ADAM18: variants seen among roughly 807,000 people sequenced by gnomAD.
ADAM18 encodes the protein disintegrin and metalloproteinase domain-containing protein 18.
Under a neutral mutation model 94.4 loss-of-function variants are expected in ADAM18, and 117 were observed. The ratio of observed to expected loss-of-function variants is 1.24; its 90% CI spans 1.07 to 1.45. The LOEUF (loss-of-function observed/expected upper bound fraction) is 1.45. Among genes scored for constraint, ADAM18 ranks in the 40% most tolerant of loss-of-function variants. The probability of loss-of-function intolerance (pLI) is 0.00; values close to 1 mark genes in which losing one functional copy is unlikely to be tolerated. For missense variants in ADAM18, 936 were observed against 880.0 expected (o/e 1.06, Z -0.81); for synonymous variants, 327 against 291.6 (o/e 1.12, Z -1.24).
intron 18 of ADAM18, 54 bp downstream of exon 18, chr8:39,706,958 T>A: frequency 9.7e-7 from 1 of 1,030,362 alleles, no homozygotes; most frequent in Non-Finnish European, 1.5e-6. Context: ...TATATAAAGT[T>A]AATTAAACAA....
At chr8:39,689,947 T>C (rs1420284012) in intron 16 of ADAM18, among the ~76,000 whole-genome samples, 2 of 152,192 alleles carry the variant, frequency 1.3e-5, no homozygotes, top group Non-Finnish European at 2.9e-5. Flanking sequence ...GTATTCTGTG[T>C]GTGTGTGCGG....
intron 19 of ADAM18, among the ~76,000 whole-genome samples, chr8:39,728,138 G>T (rs1822972824): frequency 6.6e-6 from 1 of 152,032 alleles, no homozygotes; most frequent in African/African-American, 2.4e-5. Flanking sequence ...ACTATTACCA[G>T]GACAGCACCA....
In ADAM18 at chr8:39,721,255, A is replaced by G. The variant is rs960217132; in HGVS notation, c.2018-2493A>G. The stretch of plus-strand genomic sequence containing the variant: ...AAAAAATCTATGTATTTCAACATAT[A>G]CAAGAATTAACTCAAGACAGGTTAA... On this transcript the variant is annotated intron_variant, in intron 18 of 19. Coordinates refer to ENST00000265707, the MANE Select transcript of ADAM18 (RefSeq NM_014237.3). Among the ~76,000 whole-genome samples the G allele has an allele frequency of 4.0e-5, 6 of 151,544 alleles. No individual in the cohort carries two copies. The South Asian group carries it at 6.2e-4, about 16-fold the overall frequency.
intron 19 of ADAM18, among the ~76,000 whole-genome samples, chr8:39,728,905 G>T (rs2129582069): frequency 6.6e-6 from 1 of 152,206 alleles, no homozygotes; most frequent in Non-Finnish European, 1.5e-5. Context: ...TTGAAATTAG[G>T]TAATTCTATT....
chr8:39,653,797 T>C (rs937376222), intron 12 of ADAM18, among the ~76,000 whole-genome samples: 3 of 152,248 alleles, frequency 2.0e-5, no homozygotes, highest in Non-Finnish European at 4.4e-5. Context: ...CAAATCAGGG[T>C]ACCTGGGGTA....
At chr8:39,607,322 A>C (rs1819116142) in intron 3 of ADAM18, among the ~76,000 whole-genome samples, 1 of 152,282 alleles carries the variant, frequency 6.6e-6, no homozygotes, top group East Asian at 1.9e-4. Flanking sequence ...GTATTTTCTC[A>C]ACATTTTATA....
intron 16 of ADAM18, among the ~76,000 whole-genome samples, chr8:39,692,239 T>G (rs1821801761): frequency 6.6e-6 from 1 of 151,802 alleles, no homozygotes; most frequent in Admixed American, 6.6e-5. Context: ...AGACAAGTCA[T>G]TAACATCTAA....
intron 14 of ADAM18, among the ~76,000 whole-genome samples, chr8:39,675,545 A>C (rs1221548955): frequency 1.3e-5 from 2 of 152,292 alleles, no homozygotes; most frequent in Admixed American, 6.5e-5. Flanking sequence ...CAAGGTTTTT[A>C]GCTTCCTTGT....
In ADAM18 at chr8:39,729,942, A is replaced by ACCG. The variant is rs753176512; in HGVS notation, c.*2_*3insCCG. ...GAAAGCGATGACGTGGGACATTAATATTGCACAGAACTTCCATAGCAAATA... is the reference window on the plus strand; with the variant it reads ...GAAAGCGATGACGTGGGACATTAATACCGTTGCACAGAACTTCCATAGCAAATA... On this transcript the variant is annotated 3_prime_UTR_variant, in exon 20 of 20. Transcript: ENST00000265707. The ACCG allele has an allele frequency of 3.7e-6, 6 of 1,612,412 alleles. No individual in the cohort carries two copies. Among genetic ancestry groups the ACCG allele is most frequent in the Non-Finnish European group, 4.2e-6 (5 of 1,178,424 alleles).
At chr8:39,701,117 C>CAAAAAAAAAAAAAAAA (rs71237188) in intron 17 of ADAM18, among the ~76,000 whole-genome samples, 17 of 34,562 alleles carry the variant, frequency 4.9e-4, no homozygotes, top group Admixed American at 5.8e-4. Context: ...GACTCTGTCT[C>CAAAAAAAAAAAAAAAA]AAAAAAAAAA....
intron 6 of ADAM18, among the ~76,000 whole-genome samples, chr8:39,627,589 G>C (rs1016263426): frequency 3.3e-5 from 5 of 151,958 alleles, no homozygotes; most frequent in African/African-American, 1.2e-4. Flanking sequence ...CCTTTGCCTT[G>C]AATCTATAAG....
At chr8:39,598,460 C>T (rs915652172) in intron 2 of ADAM18, among the ~76,000 whole-genome samples, 2 of 151,784 alleles carry the variant, frequency 1.3e-5, no homozygotes, top group Non-Finnish European at 2.9e-5. Flanking sequence ...TTATCGCCAT[C>T]GTTATTATTA....
chr8:39,718,372 C>T (rs1822639549), intron 18 of ADAM18, among the ~76,000 whole-genome samples: 1 of 151,558 alleles, frequency 6.6e-6, no homozygotes, highest in Non-Finnish European at 1.5e-5. Flanking sequence ...TGAAGGACTA[C>T]TCAGCCTTTA....
At chr8:39,685,859 C>T (rs1252050073) in intron 16 of ADAM18, among the ~76,000 whole-genome samples, 3 of 152,176 alleles carry the variant, frequency 2.0e-5, no homozygotes, top group South Asian at 2.1e-4. Context: ...ATCCCACCTT[C>T]CACAAAACAC....
intron 9 of ADAM18, among the ~76,000 whole-genome samples, chr8:39,638,019 T>C (rs1216914727): frequency 6.6e-6 from 1 of 151,980 alleles, no homozygotes; most frequent in Non-Finnish European, 1.5e-5. Context: ...GACTATTCAG[T>C]TAAAATTATT....
intron 17 of ADAM18, among the ~76,000 whole-genome samples, chr8:39,703,878 G>T (rs1822155557): frequency 6.6e-6 from 1 of 152,010 alleles, no homozygotes; most frequent in African/African-American, 2.4e-5. Context: ...TGATAAAGGG[G>T]ATATTACTAC....
intron 10 of ADAM18, among the ~76,000 whole-genome samples, chr8:39,641,023 A>G (rs192580776): frequency 8.9e-4 from 135 of 152,080 alleles, no homozygotes; most frequent in Non-Finnish European, 1.6e-3. Flanking sequence ...CTTTAGTTTA[A>G]TTAGTCAATT....
chr8:39,604,999 G>T (rs1011600211), intron 2 of ADAM18, among the ~76,000 whole-genome samples: 1 of 152,126 alleles, frequency 6.6e-6, no homozygotes, highest in African/African-American at 2.4e-5. Flanking sequence ...CATTCAGTCT[G>T]GGAGAATGCA....
Position 39,629,207 on chromosome 8 carries a change from C to G in ADAM18, c.523-167C>G, listed in dbSNP as rs369808030. 5.6e-4 allele frequency among the ~76,000 whole-genome samples: 85 copies of G among 151,814 alleles called. 1 individual carries two copies. The highest frequency in any genetic ancestry group is 3.4e-3 in the Middle Eastern group (1 of 290). ...GCAGGTTCATTGTAAATATTTTAAGCTTGGAATATGTTTTGAAGTAAAATT... is the reference window on the plus strand; with the variant it reads ...GCAGGTTCATTGTAAATATTTTAAGGTTGGAATATGTTTTGAAGTAAAATT... On this transcript the variant is annotated intron_variant, in intron 6 of 19. Coordinates refer to ENST00000265707, the MANE Select transcript of ADAM18 (RefSeq NM_014237.3).
Sources: allele counts gnomAD v4.1 joint callset (sites outside exome capture counted in the v4.1 genomes callset), GRCh38; gene constraint gnomAD v4.1.1; transcripts MANE v1.5; gene names NCBI Gene and HGNC (gene_info 2026-07-23, HGNC 2026-07-21).